The following FAM151A variants were observed in gnomAD, a reference collection of about 807,000 sequenced individuals.
FAM151A encodes the protein protein FAM151A.
Under a neutral mutation model 40.4 loss-of-function variants are expected in FAM151A, and 41 were observed. The observed-to-expected ratio is 1.01, with a 90% CI of 0.79 to 1.32. The LOEUF (loss-of-function observed/expected upper bound fraction) is 1.32. Ranked by LOEUF, FAM151A falls within the 40% of genes most tolerant of loss-of-function variation. The pLI, the probability that FAM151A is intolerant of heterozygous loss-of-function variation, is 0.00. For missense variants in FAM151A, 740 were observed against 740.4 expected (o/e 1.00, Z 0.01); for synonymous variants, 337 against 312.5 (o/e 1.08, Z -0.83).
Position 54,623,281 on chromosome 1 carries a change from G to C in FAM151A, c.115C>G (p.Pro39Ala). 1.2e-6 allele frequency: 2 copies of C among 1,612,708 alleles called. No homozygotes were observed. Among genetic ancestry groups the C allele is most frequent in the South Asian group, 1.1e-5 (1 of 91,024 alleles). The change falls in exon 1 of 8, where the codon CCA becomes GCA. Residue 39 changes from proline (P) to alanine (A), a missense_variant. Pro to Ala is a conservative substitution (Grantham distance 27). Coordinates refer to ENST00000302250, the MANE Select transcript of FAM151A (RefSeq NM_176782.3). Reference protein sequence around the residue: ...AIVLAITLRRPGCELEACSPD... With the variant: ...AIVLAITLRRAGCELEACSPD... ...TGACATGGGGGGAGGCACCTACCTGGCCGCCGCAGGGTGATGGCAAGGACT... is the reference window on the plus strand; with the variant it reads ...TGACATGGGGGGAGGCACCTACCTGCCCGCCGCAGGGTGATGGCAAGGACT...
rs142723642 is a variant in FAM151A at position 54,610,996 on chromosome 1, A to G, written c.941-441T>C. 5.8e-3 allele frequency: 5,707 copies of G among 985,438 alleles called. 26 individuals carry two copies. The highest frequency in any genetic ancestry group is 9.6e-3 in the South Asian group (205 of 21,284). The allele number at this position is 985,438 out of a possible 1,614,324, so 61.0% of individuals were successfully genotyped here. On this transcript the variant is annotated intron_variant, in intron 6 of 7. Coordinates refer to ENST00000302250, the MANE Select transcript of FAM151A (RefSeq NM_176782.3). Reference sequence around the variant, plus strand: ...CATTAGAGTAACCAGCAGTGGAGCTATGCACCAAGGGAAATAATGGGGGGT... The same window carrying G: ...CATTAGAGTAACCAGCAGTGGAGCTGTGCACCAAGGGAAATAATGGGGGGT...
intron 1 of FAM151A, 84 bp from the exon 2 acceptor site, chr1:54,620,091 G>A (rs1644215247): frequency 6.9e-7 from 1 of 1,447,622 alleles, no homozygotes; most frequent in Admixed American, 1.9e-5. Context: ...ACCCTCCCTG[G>A]GCTCCCACTG....
At position 54,609,302 on chromosome 1, in the gene FAM151A, TGGTAGCCCTGG is replaced by T; in HGVS notation, c.1713_1723del (p.Tyr574LeufsTer7). On this transcript the variant is annotated frameshift_variant, in exon 8 of 8. Transcript: ENST00000302250. LOFTEE classifies it high-confidence loss of function. Reference sequence around the variant, plus strand: ...ACCAACATGAGCCAGCAAGTCCTTGTGGTAGCCCTGGGGTAGCCTGTAGTAGACTCGGGTCC... The same window carrying T: ...ACCAACATGAGCCAGCAAGTCCTTGTGGTAGCCTGTAGTAGACTCGGGTCC... 1.9e-6 allele frequency: 3 copies of T among 1,610,316 alleles called. No homozygotes were observed. Among genetic ancestry groups the T allele is most frequent in the Middle Eastern group, 1.7e-4 (1 of 6,054 alleles).
intron 4 of FAM151A, among the ~76,000 whole-genome samples, chr1:54,614,002 A>G (rs1022754981): frequency 2.0e-5 from 3 of 152,226 alleles, no homozygotes; most frequent in Non-Finnish European, 4.4e-5. Context: ...CCTCATTCTC[A>G]TAAGAGTTAA....
chr1:54,620,845 CAAAAAAAAAAAA>C (rs767625864), intron 1 of FAM151A, among the ~76,000 whole-genome samples: 152 of 12,126 alleles, frequency 0.013, no homozygotes, highest in South Asian at 0.03. Context: ...GAGACTCTGT[CAAAAAAAAAAAA>C]AAAAAAAAAA....
intron 1 of FAM151A, 90 bp downstream of exon 1, chr1:54,623,188 A>T: frequency 1.3e-6 from 1 of 796,398 alleles, no homozygotes; most frequent in Non-Finnish European, 2.0e-6. Flanking sequence ...AAAAAAAAAA[A>T]GGGACTGGTC....
chr1:54,616,202 CCT>C, intron 2 of FAM151A, 30 bp from the exon 3 acceptor site: 11 of 1,564,334 alleles, frequency 7.0e-6, no homozygotes, highest in Non-Finnish European at 9.5e-6. Flanking sequence ...TCAGTGAGTT[CCT>C]TTTTTTAAAA....
chr1:54,622,761 C>A (rs1426377273), intron 1 of FAM151A, among the ~76,000 whole-genome samples: 2 of 147,678 alleles, frequency 1.4e-5, no homozygotes, highest in African/African-American at 5.0e-5. Context: ...GTTAACGGGA[C>A]TTTCTGCTGG....
chr1:54,622,782 G>T (rs943320390), intron 1 of FAM151A, among the ~76,000 whole-genome samples: 7 of 151,320 alleles, frequency 4.6e-5, no homozygotes. Flanking sequence ...GGAAGTCAAC[G>T]GGACTTTCTG....
intron 2 of FAM151A, 56 bp downstream of exon 2, chr1:54,619,808 C>T (rs1005518429): frequency 6.3e-6 from 10 of 1,576,198 alleles, no homozygotes; most frequent in Middle Eastern, 2.0e-4. Context: ...ACTTCTCTCC[C>T]TCTGTCTTCT....
rs141735196 is a variant in FAM151A at position 54,611,605 on chromosome 1, C to T, written c.940+1G>A. The T allele has an allele frequency of 6.1e-4, 979 of 1,613,684 alleles. 2 individuals are homozygous for T. Among genetic ancestry groups the T allele is most frequent in the South Asian group, 1.2e-3 (106 of 91,022 alleles). ...CCACCCTTCCCAATTCCTCTCCTTA[C>T]AGGCCAGCTGCTTGAACTGTGACAG... On this transcript the variant is annotated splice_donor_variant, in intron 6 of 7. Coordinates refer to ENST00000302250, the MANE Select transcript of FAM151A (RefSeq NM_176782.3). LOFTEE classifies it high-confidence loss of function.
In FAM151A at chr1:54,614,741, C is replaced by T. The variant is rs1161982029; in HGVS notation, c.534G>A (p.Lys178=). Residue 178 remains lysine, a synonymous_variant, in exon 4 of 8, where the codon AAG becomes AAA. Transcript: ENST00000302250. ...CAGTTGAGATGAGCATGTTGGGGCC[C>T]TTTAAGATGTCAGCGTTGATCCATA... ...RPIWINADIL[K]GPNMLISTEV... 1.9e-6 allele frequency: 3 copies of T among 1,613,938 alleles called. No homozygotes were observed. The highest frequency in any genetic ancestry group is 2.2e-5 in the East Asian group (1 of 44,886).
At position 54,614,863 on chromosome 1, in the gene FAM151A, TG is replaced by T; in HGVS notation, c.416-5del. ...TTCTTGAAGTCCAGTTTGATGCCTG[TG>T]GGGAAAGGAACAAGGGCTTGGGGAA... is the stretch of plus-strand genomic sequence containing the variant. On this transcript the variant is annotated splice_region_variant and splice_polypyrimidine_tract_variant and intron_variant, in intron 3 of 7. Transcript: ENST00000302250. 6.2e-7 allele frequency: 1 copy of T among 1,612,936 alleles called. No individual in the cohort carries two copies. The highest frequency in any genetic ancestry group is 8.5e-7 in the Non-Finnish European group (1 of 1,179,538).
At chr1:54,611,788 A>G (rs1210706916) in intron 5 of FAM151A, 43 bp from the exon 6 acceptor site, 1 of 1,611,068 alleles carries the variant, frequency 6.2e-7, no homozygotes, top group East Asian at 2.2e-5. Flanking sequence ...TGGGCCCAGC[A>G]AGACCCTCAG....
chr1:54,614,708 A>T lies in FAM151A; in HGVS notation c.567T>A (p.Asn189Lys). Residue 189 changes from asparagine to lysine, a missense_variant, in exon 4 of 8, where the codon AAT (asparagine) becomes AAA (lysine). Asn to Lys is a moderately conservative substitution (Grantham distance 94). Coordinates refer to ENST00000302250, the MANE Select transcript of FAM151A (RefSeq NM_176782.3). ...GPNMLISTEVNATQFLALVQE... is the reference protein window; with the variant it reads ...GPNMLISTEVKATQFLALVQE... ...GAGAGGCGAACACTCACTGTGTGGC[A>T]TTGACCTCAGTTGAGATGAGCATGT... 1 of 1,613,132 alleles carries T rather than the reference A, an allele frequency of 6.2e-7. No homozygotes were observed. Among genetic ancestry groups the T allele is most frequent in the Non-Finnish European group, 8.5e-7 (1 of 1,179,388 alleles).
rs1487544602 is a variant in FAM151A, at chr1:54,609,856, G to T, written c.1170C>A (p.Gly390=). ...GGCAGGACTCCAGCGTCAGGATGTTGCCACTTGGAGTATGAACAATGGGCA... is the reference window on the plus strand; with the variant it reads ...GGCAGGACTCCAGCGTCAGGATGTTTCCACTTGGAGTATGAACAATGGGCA... ...NPVPIVHTPS[G]NILTLESCLQ... The change falls in exon 8 of 8, where the codon GGC becomes GGA. Residue 390 remains glycine (G), a synonymous_variant. Coordinates refer to ENST00000302250, the MANE Select transcript of FAM151A (RefSeq NM_176782.3). The T allele has an allele frequency of 3.1e-6, 5 of 1,614,026 alleles. No homozygotes were observed. The highest frequency in any genetic ancestry group is 4.2e-6 in the Non-Finnish European group (5 of 1,180,022).
At position 54,610,506 on chromosome 1, in the gene FAM151A, A is replaced by AGGGATCAGGCTG; in HGVS notation, c.978_989dup (p.Ser327_Pro330dup). 3 of 1,613,476 alleles carry AGGGATCAGGCTG rather than the reference A, an allele frequency of 1.9e-6. No homozygotes were observed. The highest frequency in any genetic ancestry group is 2.5e-6 in the Non-Finnish European group (3 of 1,179,654). On this transcript the variant is annotated inframe_insertion, in exon 7 of 8. Coordinates refer to ENST00000302250, the MANE Select transcript of FAM151A (RefSeq NM_176782.3). ...CGTCATCCCCAGGCAGCTGGAGAAGAGGGATCAGGCTGCCTCCCGTGTAGT... is the reference window on the plus strand; with the variant it reads ...CGTCATCCCCAGGCAGCTGGAGAAGAGGGATCAGGCTGGGGATCAGGCTGCCTCCCGTGTAGT...
In FAM151A at chr1:54,621,183, G is replaced by A. The variant is rs987144345; in HGVS notation, c.119-1176C>T. ...CTCAAAAAAAAAAAAAAACCTGCGC[G>A]CGGCGGCTGACGCCTGTAATCCCAG... On this transcript the variant is annotated intron_variant, in intron 1 of 7. Coordinates refer to ENST00000302250, the MANE Select transcript of FAM151A (RefSeq NM_176782.3). Among the ~76,000 whole-genome samples the A allele has an allele frequency of 6.0e-5, 9 of 149,918 alleles. No individual in the cohort carries two copies. In the South Asian group the frequency reaches 1.1e-3, roughly 18 times the overall value.
In FAM151A at chr1:54,612,720, AATCAGAG is replaced by A; in HGVS notation, c.576-17_576-11del. 1 of 1,609,796 alleles carries A rather than the reference AATCAGAG, an allele frequency of 6.2e-7. No individual in the cohort carries two copies. ...GACCAGGGCCAGGAACCTGCAAAAA[AATCAGAG>A]ATGTTGGTCTCACGGAGCTGCAGCG... On this transcript the variant is annotated splice_polypyrimidine_tract_variant and intron_variant, in intron 4 of 7. Coordinates refer to ENST00000302250, the MANE Select transcript of FAM151A (RefSeq NM_176782.3).
Sources: gnomAD v4.1 joint callset for allele counts (sites outside exome capture counted in the v4.1 genomes callset) on GRCh38, gnomAD v4.1.1 for gene constraint, MANE v1.5 for transcripts, NCBI Gene and HGNC (gene_info 2026-07-23, HGNC 2026-07-21) for gene names.